The following CABIN1 variants were observed in gnomAD, a reference collection of about 807,000 sequenced individuals.
CABIN1 encodes calcineurin-binding protein cabin-1.
A neutral mutation model predicts 227.7 loss-of-function variants in CABIN1; 133 were observed. The ratio of observed to expected loss-of-function variants is 0.58; its 90% CI spans 0.51 to 0.67. The LOEUF (loss-of-function observed/expected upper bound fraction) is 0.67, where lower values mean the gene tolerates loss of function less well. CABIN1 is among the 30% of genes least tolerant of loss of function. The probability of loss-of-function intolerance (pLI) is 0.00; values close to 1 mark genes in which losing one functional copy is unlikely to be tolerated. For synonymous variants in CABIN1, 1,086 were observed against 1,155.1 expected (o/e 0.94, Z 1.21); for missense variants, 2,408 against 2,852.5 (o/e 0.84, Z 3.55).
chr22:24,074,207 T>C (rs2040282760), intron 18 of CABIN1, among the ~76,000 whole-genome samples: 1 of 152,168 alleles, frequency 6.6e-6, no homozygotes, highest in East Asian at 1.9e-4. Flanking sequence ...ATTCTCCTTT[T>C]CCTCAAAATT....
At chr22:24,170,089 AG>A in intron 33 of CABIN1, 1 of 453,852 alleles carries the variant, frequency 2.2e-6, no homozygotes, top group South Asian at 1.6e-5. Flanking sequence ...GGCAGGGAGG[AG>A]GCCCTAATGA....
intron 29 of CABIN1, among the ~76,000 whole-genome samples, chr22:24,137,823 T>G (rs1393825674): frequency 1.3e-5 from 2 of 152,226 alleles, no homozygotes; most frequent in Non-Finnish European, 2.9e-5. Flanking sequence ...GAAGGAGCAT[T>G]TAGGGCAGCC....
intron 4 of CABIN1, among the ~76,000 whole-genome samples, chr22:24,040,693 T>C (rs1240054484): frequency 6.6e-6 from 1 of 152,246 alleles, no homozygotes; most frequent in African/African-American, 2.4e-5. Context: ...TGATGAGTTA[T>C]AGAGTTGGGA....
chr22:24,177,439 C>A lies in CABIN1; in HGVS notation c.6206-65C>A, dbSNP rs537287757. The A allele has an allele frequency of 6.6e-6, 9 of 1,358,950 alleles. No homozygotes were observed. The highest frequency in any genetic ancestry group is 9.0e-6 in the Non-Finnish European group (9 of 1,004,178). 84.2% of individuals were successfully genotyped at this position (1,358,950 alleles called of 1,614,324 possible). A position where few individuals can be genotyped will look rare whatever the true frequency, so the allele number is the denominator to read the frequency against. On this transcript the variant is annotated intron_variant, in intron 35 of 36. Transcript: ENST00000263119. This position sits in a 1 kb window ranked among gnomAD's most constrained non-coding sequence, Gnocchi z 4.4. Reference sequence around the variant, plus strand: ...AGGACCTGGGGGGAGCGGGTGGGGGCGAGATAAAGTGCTCACTGTGTGATG... The same window carrying A: ...AGGACCTGGGGGGAGCGGGTGGGGGAGAGATAAAGTGCTCACTGTGTGATG...
chr22:24,028,859 G>T (rs1422664576), intron 1 of CABIN1, among the ~76,000 whole-genome samples: 1 of 152,124 alleles, frequency 6.6e-6, no homozygotes, highest in Non-Finnish European at 1.5e-5. Context: ...AATAGGACAG[G>T]ATTGCTGCCT....
chr22:24,167,737 A>G (rs2046538621), intron 32 of CABIN1, among the ~76,000 whole-genome samples: 1 of 152,178 alleles, frequency 6.6e-6, no homozygotes, highest in African/African-American at 2.4e-5. Flanking sequence ...AATTATTCCC[A>G]TAGGAAGAAT....
chr22:24,037,076 A>G (rs1569102105), intron 3 of CABIN1, among the ~76,000 whole-genome samples: 1 of 152,046 alleles, frequency 6.6e-6, no homozygotes, highest in African/African-American at 2.4e-5. Flanking sequence ...CCTGGCCAAC[A>G]TGGTGAAACC....
At chr22:24,095,416 C>G (rs1007699277) in intron 24 of CABIN1, among the ~76,000 whole-genome samples, 2 of 151,708 alleles carry the variant, frequency 1.3e-5, no homozygotes, top group Admixed American at 1.3e-4. Flanking sequence ...AATGAGCTGC[C>G]TGCCCACCCA....
At position 24,091,643 on chromosome 22, in the gene CABIN1, C is replaced by T; in HGVS notation, c.3586C>T (p.Arg1196Cys). 8.7e-6 allele frequency: 14 copies of T among 1,614,210 alleles called. No individual in the cohort carries two copies. The highest frequency in any genetic ancestry group is 2.2e-5 in the East Asian group (1 of 44,884). Residue 1196 changes from arginine (R) to cysteine (C), a missense_variant, in exon 24 of 37, where the codon CGC becomes TGC. Transcript: ENST00000263119. ...CAAGCACTGTTTCACATCAGCAGCC[C>T]GCTGCGAGGGTGATGGTGACGAGGA... ...TAKHCFTSAARCEGDGDEEEW... is the reference protein window; with the variant it reads ...TAKHCFTSAACCEGDGDEEEW...
At chr22:24,147,265 GTCCCTGCCTCCCTCCCTCCC>G (rs1409385459) in intron 29 of CABIN1, among the ~76,000 whole-genome samples, 53 of 28,028 alleles carry the variant, frequency 1.9e-3, no homozygotes, top group South Asian at 4.6e-3. Flanking sequence ...CCCTCCCTCC[GTCCCTGCCTCCCTCCCTCCC>G]TCCCTGCCTC....
In CABIN1 at chr22:24,155,771, C is replaced by T. The variant is rs1602389951; in HGVS notation, c.4747-8629C>T. 1.8e-5 allele frequency: 7 copies of T among 385,236 alleles called. No individual in the cohort carries two copies. In the East Asian group the frequency reaches 2.8e-4, roughly 15 times the overall value. 23.9% of individuals were successfully genotyped at this position (385,236 alleles called of 1,614,324 possible). A position where few individuals can be genotyped will look rare whatever the true frequency, so the allele number is the denominator to read the frequency against. On this transcript the variant is annotated intron_variant, in intron 29 of 36. Transcript: ENST00000263119. ...TGGCCAATGCCATCCCGGCCTGCCG[C>T]ACTCCTGGCCACCCCTACACCATGC...
chr22:24,014,009 A>T lies in CABIN1; in HGVS notation c.-75+2642A>T, dbSNP rs117275831. Among the ~76,000 whole-genome samples the T allele has an allele frequency of 7.6e-4, 116 of 152,234 alleles. No individual in the cohort carries two copies. The East Asian group carries it at 0.018, about 24-fold the overall frequency. ...TTACTGGTGATATTTACCTTGATCT[A>T]TTGGTTTACTTGGTGTCTACCAGGT... On this transcript the variant is annotated intron_variant, in intron 1 of 36. Coordinates refer to ENST00000263119, the MANE Select transcript of CABIN1 (RefSeq NM_012295.4).
intron 16 of CABIN1, among the ~76,000 whole-genome samples, chr22:24,068,310 T>G (rs1352271943): frequency 6.6e-6 from 1 of 152,160 alleles, no homozygotes; most frequent in African/African-American, 2.4e-5. Context: ...CCTGGCAGGC[T>G]GCAAGGTGGC....
Position 24,049,085 on chromosome 22 carries a change from CGCCAGCAT to C in CABIN1, c.527-4_530del, listed in dbSNP as rs1317300054. 1 of 1,613,688 alleles carries C rather than the reference CGCCAGCAT, an allele frequency of 6.2e-7. No homozygotes were observed. Among genetic ancestry groups the C allele is most frequent in the African/African-American group, 1.3e-5 (1 of 74,918 alleles). On this transcript the variant is annotated splice_acceptor_variant and splice_polypyrimidine_tract_variant and coding_sequence_variant and intron_variant, in exon 7 of 37. Transcript: ENST00000263119. LOFTEE classifies it high-confidence loss of function. ...AGAAGTCATAAACTGTCTCTTTCCC[CGCCAGCAT>C]GTCTGTACTTCATCTGCAAAGCTTT...
intron 29 of CABIN1, among the ~76,000 whole-genome samples, chr22:24,157,481 G>A (rs2045902932): frequency 6.6e-6 from 1 of 152,194 alleles, no homozygotes; most frequent in Non-Finnish European, 1.5e-5. Context: ...GAGCATGATA[G>A]GCTTAGTTCA....
chr22:24,061,074 T>C (rs956903839), intron 12 of CABIN1, among the ~76,000 whole-genome samples: 2 of 152,160 alleles, frequency 1.3e-5, no homozygotes, highest in Non-Finnish European at 2.9e-5. Flanking sequence ...GGAGCCACCA[T>C]GCCTGGCCTA....
chr22:24,109,873 T>A (rs1386930251), intron 26 of CABIN1, among the ~76,000 whole-genome samples: 2 of 152,230 alleles, frequency 1.3e-5, no homozygotes, highest in Admixed American at 1.3e-4. Flanking sequence ...AAAGTTTTAT[T>A]TTTTAATAGT....
intron 9 of CABIN1, among the ~76,000 whole-genome samples, chr22:24,055,727 T>G (rs544957703): frequency 6.6e-6 from 1 of 152,394 alleles, no homozygotes; most frequent in East Asian, 1.9e-4. Context: ...AATAAACATG[T>G]ACATGGTTGT....
intron 6 of CABIN1, among the ~76,000 whole-genome samples, chr22:24,048,439 G>C (rs2038065012): frequency 6.6e-6 from 1 of 150,848 alleles, no homozygotes; most frequent in Non-Finnish European, 1.5e-5. Flanking sequence ...TTTTTTCCTT[G>C]AAACAGGGTC....
Sources: gnomAD v4.1 joint callset for allele counts (sites outside exome capture counted in the v4.1 genomes callset) on GRCh38, gnomAD v4.1.1 for gene constraint, Gnocchi (gnomAD v3.1) non-coding constraint, MANE v1.5 for transcripts, NCBI Gene and HGNC (gene_info 2026-07-23, HGNC 2026-07-21) for gene names.